PRKG1: variants seen among roughly 807,000 people sequenced by gnomAD.
PRKG1 encodes the protein protein kinase cGMP-dependent 1, also known as cGMP-dependent protein kinase 1.
In PRKG1, 35 loss-of-function variants were observed where a neutral mutation model predicts 88.1. That is an observed-to-expected ratio of 0.40 (90% CI 0.30 to 0.53). The LOEUF is 0.53. Among genes scored for constraint, PRKG1 ranks in the 20% least tolerant of loss-of-function variants. PRKG1 has a pLI of 0.59. For synonymous variants in PRKG1, 303 were observed against 292.5 expected (o/e 1.04, Z -0.37); for missense variants, 540 against 839.8 (o/e 0.64, Z 4.41).
chr10:51,507,481 C>T (rs1292211361), intron 3 of PRKG1, among the ~76,000 whole-genome samples: 1 of 151,972 alleles, frequency 6.6e-6, no homozygotes, highest in Non-Finnish European at 1.5e-5. Context: ...ATAATCTTAG[C>T]TAGCTGTAAA....
chr10:52,285,308 T>G (rs1005254755), intron 14 of PRKG1, among the ~76,000 whole-genome samples: 5 of 152,240 alleles, frequency 3.3e-5, no homozygotes, highest in Admixed American at 2.6e-4. Flanking sequence ...GTACATAAAT[T>G]AGAGGAATAA....
chr10:51,856,927 G>A (rs1318439750), intron 4 of PRKG1, among the ~76,000 whole-genome samples: 1 of 146,552 alleles, frequency 6.8e-6, no homozygotes, highest in Non-Finnish European at 1.5e-5. Context: ...TTGCGCCACT[G>A]CACTCCAGTC....
chr10:51,709,489 A>C (rs1841690397), intron 3 of PRKG1, among the ~76,000 whole-genome samples: 1 of 152,210 alleles, frequency 6.6e-6, no homozygotes, highest in Non-Finnish European at 1.5e-5. Flanking sequence ...TGTCAATTCC[A>C]TCCTGGCTCT....
At chr10:51,263,404 T>C (rs1272158113) in intron 2 of PRKG1, among the ~76,000 whole-genome samples, 1 of 152,218 alleles carries the variant, frequency 6.6e-6, no homozygotes, top group Non-Finnish European at 1.5e-5. Context: ...GGCTGGACTT[T>C]TAGTTACAGC....
intron 3 of PRKG1, among the ~76,000 whole-genome samples, chr10:51,784,633 T>C (rs1158698583): frequency 1.3e-5 from 2 of 152,118 alleles, no homozygotes; most frequent in Non-Finnish European, 1.5e-5. Context: ...AGCAACCCAA[T>C]TGAACTGTGA....
At chr10:51,294,028 A>C (rs1840652564) in intron 2 of PRKG1, among the ~76,000 whole-genome samples, 1 of 152,048 alleles carries the variant, frequency 6.6e-6, no homozygotes, top group Non-Finnish European at 1.5e-5. Flanking sequence ...TTCTGTTGAG[A>C]ACTGTCTATT....
chr10:51,994,678 A>G (rs1844392980), intron 5 of PRKG1, among the ~76,000 whole-genome samples: 1 of 152,124 alleles, frequency 6.6e-6, no homozygotes, highest in Non-Finnish European at 1.5e-5. Context: ...TTCTCCCTAG[A>G]ACTATGTGCT....
intron 3 of PRKG1, among the ~76,000 whole-genome samples, chr10:51,702,757 C>T (rs988500418): frequency 1.3e-5 from 2 of 151,910 alleles, no homozygotes; most frequent in East Asian, 1.9e-4. Flanking sequence ...AGTGCGATGG[C>T]GTGATCTTGG....
intron 2 of PRKG1, among the ~76,000 whole-genome samples, chr10:51,295,364 CT>C (rs1455222662): frequency 4.6e-5 from 7 of 151,872 alleles, no homozygotes; most frequent in Non-Finnish European, 1.0e-4. Context: ...TAAGTTCATC[CT>C]AAGTATTTTA....
intron 3 of PRKG1, among the ~76,000 whole-genome samples, chr10:51,646,992 T>A (rs150033538): frequency 6.6e-6 from 1 of 152,136 alleles, no homozygotes; most frequent in Admixed American, 6.5e-5. Flanking sequence ...TAAAAACTTT[T>A]GGAGAAGTTA....
intron 2 of PRKG1, among the ~76,000 whole-genome samples, chr10:51,389,734 A>T (rs901685897): frequency 6.6e-6 from 1 of 152,214 alleles, no homozygotes; most frequent in African/African-American, 2.4e-5. Flanking sequence ...CTCACAAATT[A>T]CTTCCCATAT....
intron 3 of PRKG1, among the ~76,000 whole-genome samples, chr10:51,510,266 T>C (rs866778350): frequency 6.6e-6 from 1 of 152,176 alleles, no homozygotes; most frequent in African/African-American, 2.4e-5. Flanking sequence ...TATATGTATA[T>C]GCATAGTGAA....
chr10:51,631,182 G>A (rs546682735), intron 3 of PRKG1, among the ~76,000 whole-genome samples: 83 of 152,220 alleles, frequency 5.5e-4, no homozygotes, highest in African/African-American at 2.0e-3. Flanking sequence ...GGCATTCTTA[G>A]AGTCTTCTGC....
At chr10:51,154,387 CA>C (rs1206974765) in intron 2 of PRKG1, among the ~76,000 whole-genome samples, 1 of 151,816 alleles carries the variant, frequency 6.6e-6, no homozygotes, top group African/African-American at 2.4e-5. Context: ...GCATACTGCT[CA>C]AAAGGGTAGC....
At chr10:51,771,469 A>G (rs923505583) in intron 3 of PRKG1, among the ~76,000 whole-genome samples, 1 of 152,130 alleles carries the variant, frequency 6.6e-6, no homozygotes, top group African/African-American at 2.4e-5. Flanking sequence ...TTCATGTTTT[A>G]CTGACTGATT....
At chr10:51,641,870 A>G (rs1839809326) in intron 3 of PRKG1, among the ~76,000 whole-genome samples, 1 of 152,038 alleles carries the variant, frequency 6.6e-6, no homozygotes, top group Non-Finnish European at 1.5e-5. Flanking sequence ...TTAACAACTG[A>G]TCTAGATTGC....
chr10:51,378,134 G>C (rs1317343949), intron 2 of PRKG1, among the ~76,000 whole-genome samples: 1 of 152,222 alleles, frequency 6.6e-6, no homozygotes, highest in East Asian at 1.9e-4. Flanking sequence ...TCTGCAAGAA[G>C]TATGAATTGA....
intron 2 of PRKG1, among the ~76,000 whole-genome samples, chr10:51,435,319 C>T (rs1838891970): frequency 1.3e-5 from 2 of 151,826 alleles, no homozygotes; most frequent in Non-Finnish European, 2.9e-5. Flanking sequence ...ACAATATTGG[C>T]CTCAGTTTGC....
At chr10:51,137,789 A>G (rs1291980326) in intron 1 of PRKG1, among the ~76,000 whole-genome samples, 4 of 152,214 alleles carry the variant, frequency 2.6e-5, no homozygotes, top group African/African-American at 9.6e-5. Flanking sequence ...TGACAAGCTG[A>G]AATGTCTCAG....
Sources: gnomAD v4.1 joint callset for allele counts (sites outside exome capture counted in the v4.1 genomes callset) on GRCh38, gnomAD v4.1.1 for gene constraint, MANE v1.5 for transcripts, NCBI Gene and HGNC (gene_info 2026-07-23, HGNC 2026-07-21) for gene names.